DACH2: variants seen among roughly 807,000 people sequenced by gnomAD.
The protein encoded by DACH2 is dachshund family transcription factor 2.
DACH2 carries 17 observed loss-of-function variants against 35.8 expected under a neutral mutation model. The ratio of observed to expected loss-of-function variants is 0.48; its 90% CI spans 0.33 to 0.71. DACH2 has a LOEUF of 0.71. Ranked by LOEUF, DACH2 falls within the 30% of genes least tolerant of loss-of-function variation. The pLI is 0.02. For synonymous variants in DACH2, 195 were observed against 177.3 expected (o/e 1.10, Z -0.79); for missense variants, 469 against 472.7 (o/e 0.99, Z 0.07).
At chrX:86,661,798 T>C (rs1434613453) in intron 4 of DACH2, among the ~76,000 whole-genome samples, 1 of 112,235 alleles carries the variant, frequency 8.9e-6, no homozygotes, top group Non-Finnish European at 1.9e-5. Flanking sequence ...GTACATTACA[T>C]ATTCACAGAT....
chrX:86,484,474 TG>T (rs755101693), intron 2 of DACH2, among the ~76,000 whole-genome samples: 129 of 112,107 alleles, frequency 1.2e-3, no homozygotes, highest in African/African-American at 3.7e-3. Flanking sequence ...TATGCAAATG[TG>T]AATGCATAAA....
At position 86,814,782 on chromosome X, in the gene DACH2, G is replaced by T. The variant is rs2042429473; in HGVS notation, c.1632G>T (p.Glu544Asp). 8.3e-7 allele frequency: 1 copy of T among 1,209,670 alleles called. No homozygotes were observed. Among genetic ancestry groups the T allele is most frequent in the Non-Finnish European group, 1.1e-6 (1 of 895,020 alleles). The change falls in exon 10 of 12, where the codon GAG becomes GAT. Residue 544 changes from glutamate (E) to aspartate (D), a missense_variant. Around this residue, in one of 3 missense-constraint regions of DACH2, gnomAD observed 363 missense variants for 334.4 expected, o/e 1.09. Transcript: ENST00000373125. ...AATCAAAGCGCCGGGAGCAAGTGGA[G>T]CAGGCACTTAAGCAAGCCACCACTA... Reference protein sequence around the residue: ...EFESKRREQVEQALKQATTSD... With the variant: ...EFESKRREQVDQALKQATTSD...
intron 3 of DACH2, among the ~76,000 whole-genome samples, chrX:86,623,962 G>A (rs2040099220): frequency 1.0e-5 from 1 of 96,194 alleles, no homozygotes; most frequent in Non-Finnish European, 2.1e-5. Flanking sequence ...GCAGGAGAAT[G>A]GCGTGAACCC....
rs1262348323 is a variant in DACH2 at position 86,176,332 on chromosome X, C to T, written c.488+27224C>T. 1.4e-4 allele frequency among the ~76,000 whole-genome samples: 15 copies of T among 110,359 alleles called. No individual in the cohort carries two copies. In the Admixed American group the frequency reaches 1.5e-3, roughly 11 times the overall value. On this transcript the variant is annotated intron_variant, in intron 1 of 11. Transcript: ENST00000373125. ...TTGGTGGTCAGAGAGTAGGATGCAC[C>T]AAATTAAGAATATGGAAGAGTTGCA...
chrX:86,760,529 T>G (rs1414080833), intron 7 of DACH2, among the ~76,000 whole-genome samples: 2 of 111,849 alleles, frequency 1.8e-5, no homozygotes, highest in Non-Finnish European at 3.8e-5. Context: ...TTCAATGAAT[T>G]ATTCAGTTCC....
chrX:86,764,900 T>C (rs1050763542), intron 7 of DACH2, among the ~76,000 whole-genome samples: 7 of 112,225 alleles, frequency 6.2e-5, no homozygotes, highest in African/African-American at 2.3e-4. Context: ...ATGTTGTTTT[T>C]CTACTGTTTA....
At chrX:86,196,839 A>G (rs2032003832) in intron 1 of DACH2, among the ~76,000 whole-genome samples, 1 of 110,673 alleles carries the variant, frequency 9.0e-6, no homozygotes, top group Non-Finnish European at 1.9e-5. Context: ...AACATATTTC[A>G]GGATATCATT....
chrX:86,451,182 G>A (rs1487685966), intron 2 of DACH2, among the ~76,000 whole-genome samples: 3 of 111,015 alleles, frequency 2.7e-5, no homozygotes, highest in Non-Finnish European at 5.7e-5. Context: ...TTTTCTTCTA[G>A]GGTTTTAGGT....
chrX:86,672,730 T>A (rs1318259428), intron 4 of DACH2, among the ~76,000 whole-genome samples: 1 of 111,377 alleles, frequency 9.0e-6, no homozygotes, highest in East Asian at 2.8e-4. Flanking sequence ...AGTGGCAGAA[T>A]CCTCATGGAG....
chrX:86,421,044 A>G (rs1473454334), intron 2 of DACH2, among the ~76,000 whole-genome samples: 1 of 111,577 alleles, frequency 9.0e-6, no homozygotes, highest in African/African-American at 3.2e-5. Context: ...AGCAGAAAAT[A>G]TGTTTCTCTT....
chrX:86,172,933 G>A (rs1272104654), intron 1 of DACH2, among the ~76,000 whole-genome samples: 8 of 111,687 alleles, frequency 7.2e-5, no homozygotes, highest in African/African-American at 2.6e-4. Context: ...AAACTTAATA[G>A]TTTGAAAGAA....
At chrX:86,478,857 G>A (rs772514496) in intron 2 of DACH2, among the ~76,000 whole-genome samples, 1 of 111,028 alleles carries the variant, frequency 9.0e-6, no homozygotes, top group Non-Finnish European at 1.9e-5. Context: ...TTAGCCATCC[G>A]CAGGCAGCTT....
At chrX:86,195,258 C>G (rs2031948371) in intron 1 of DACH2, among the ~76,000 whole-genome samples, 1 of 112,115 alleles carries the variant, frequency 8.9e-6, no homozygotes, top group Non-Finnish European at 1.9e-5. Context: ...GCAAATGGAG[C>G]CTTGATGGGC....
At chrX:86,588,565 A>G (rs1176732819) in intron 3 of DACH2, among the ~76,000 whole-genome samples, 1 of 111,588 alleles carries the variant, frequency 9.0e-6, no homozygotes, top group East Asian at 2.8e-4. Context: ...TTTTCTCCTC[A>G]TAGAGAAATT....
At position 86,667,614 on chromosome X, in the gene DACH2, A is replaced by AGGC. The variant is rs1569463774; in HGVS notation, c.772+16447_772+16448insGGC. Among the ~76,000 whole-genome samples, 476 of 96,624 alleles carry AGGC rather than the reference A, an allele frequency of 4.9e-3. 4 individuals are homozygous for AGGC. The highest frequency in any genetic ancestry group is 7.4e-3 in the African/African-American group (182 of 24,735). The allele number at this position is 96,624 out of a possible 115,157, so 83.9% of individuals were successfully genotyped here. On this transcript the variant is annotated intron_variant, in intron 4 of 11. Coordinates refer to ENST00000373125, the MANE Select transcript of DACH2 (RefSeq NM_053281.3). ...AAAGAAAGAAAGAAAGAAAGAAAGA[A>AGGC]AGGCAGGCAGGCCCTGGTCTTAACC...
chrX:86,220,261 C>T (rs1378618936), intron 1 of DACH2, among the ~76,000 whole-genome samples: 2 of 109,915 alleles, frequency 1.8e-5, no homozygotes, highest in Non-Finnish European at 3.8e-5. Context: ...TGCCATCTTA[C>T]ATTTTTAAGT....
chrX:86,574,761 G>A (rs912248230), intron 3 of DACH2, among the ~76,000 whole-genome samples: 103 of 111,659 alleles, frequency 9.2e-4, no homozygotes, highest in African/African-American at 3.3e-3. Context: ...TTATGCTGCA[G>A]CAATGTTTCA....
chrX:86,240,055 G>C (rs2033132641), intron 1 of DACH2, among the ~76,000 whole-genome samples: 1 of 111,678 alleles, frequency 9.0e-6, no homozygotes, highest in Non-Finnish European at 1.9e-5. Flanking sequence ...TTTCTCTGTG[G>C]CTTAATGTCA....
At chrX:86,432,414 A>C (rs1364974377) in intron 2 of DACH2, among the ~76,000 whole-genome samples, 1 of 112,161 alleles carries the variant, frequency 8.9e-6, no homozygotes, top group Non-Finnish European at 1.9e-5. Flanking sequence ...GAGTGACAGT[A>C]ATCCTGACAA....
Sources: gnomAD v4.1 joint callset for allele counts (sites outside exome capture counted in the v4.1 genomes callset) on GRCh38, gnomAD v4.1.1 for gene constraint, gnomAD v4.1.1 regional missense constraint, MANE v1.5 for transcripts, NCBI Gene and HGNC (gene_info 2026-07-23, HGNC 2026-07-21) for gene names.